MTRR: variants seen among roughly 807,000 people sequenced by gnomAD.
MTRR encodes the protein methionine synthase reductase.
A neutral mutation model predicts 79.2 loss-of-function variants in MTRR; 63 were observed. That is an observed-to-expected ratio of 0.80 (90% CI 0.65 to 0.98). The LOEUF is 0.98. Among genes scored for constraint, MTRR ranks in the 50% least tolerant of loss-of-function variants. The pLI, the probability that MTRR is intolerant of heterozygous loss-of-function variation, is 0.00. For missense variants in MTRR, 895 were observed against 839.6 expected, an observed-to-expected ratio of 1.07 and a Z score of -0.82; for synonymous variants, 355 against 313.3, an observed-to-expected ratio of 1.13 and a Z score of -1.41.
chr5:7,890,533 C>T (rs1007424933), intron 9 of MTRR: 8 of 442,134 alleles, frequency 1.8e-5, no homozygotes, highest in African/African-American at 6.5e-5. Flanking sequence ...TACCACATTA[C>T]GTAGTTATAT....
chr5:7,898,869 C>G (rs546477047), intron 14 of MTRR, among the ~76,000 whole-genome samples: 1 of 151,944 alleles, frequency 6.6e-6, no homozygotes, highest in South Asian at 2.1e-4. Context: ...TCGATAGATA[C>G]GAGGATATAT....
chr5:7,897,489 A>C (rs545961392), intron 14 of MTRR, among the ~76,000 whole-genome samples: 2 of 152,308 alleles, frequency 1.3e-5, no homozygotes, highest in East Asian at 3.9e-4. Context: ...GGTACCATTT[A>C]CTTACCTGTT....
upstream of MTRR, chr5:7,866,081 G>A (rs887237417): frequency 2.3e-5 from 20 of 855,260 alleles, no homozygotes; most frequent in Non-Finnish European, 3.5e-5. Flanking sequence ...ACTCCAGACA[G>A]AAGTATTCTA....
rs1049046366 is a variant in MTRR at position 7,869,391 on chromosome 5, C to T, written c.-26+176C>T. 7 of 670,902 alleles carry T rather than the reference C, an allele frequency of 1.0e-5. No individual in the cohort carries two copies. In the South Asian group the frequency reaches 1.1e-4, roughly 11 times the overall value. 41.6% of individuals were successfully genotyped at this position (670,902 alleles called of 1,614,324 possible). A position where few individuals can be genotyped will look rare whatever the true frequency, so the allele number is the denominator to read the frequency against. On this transcript the variant is annotated intron_variant, in intron 1 of 14. Coordinates refer to ENST00000440940, the MANE Select transcript of MTRR (RefSeq NM_002454.3). The stretch of plus-strand genomic sequence containing the variant: ...CTGGGGCTCGGACTTGGCCTTTGGC[C>T]TTTGGCTTTGGTGTCCCCGGGAGCG...
In MTRR at chr5:7,878,220, C is replaced by G; in HGVS notation, c.678C>G (p.Ser226=). 6.2e-7 allele frequency: 1 copy of G among 1,614,180 alleles called. No homozygotes were observed. Among genetic ancestry groups the G allele is most frequent in the Non-Finnish European group, 8.5e-7 (1 of 1,180,034 alleles). ...QSNVVIEDFE[S]SLTRSVPPLS... is the part of the protein sequence containing the mutation. The stretch of plus-strand genomic sequence containing the variant: ...ATGTTGTAATTGAAGACTTTGAGTC[C>G]TCACTTACCCGTTCGGTACCCCCAC... Residue 226 remains serine (S), a synonymous_variant, in exon 5 of 15, where the codon TCC becomes TCG. Coordinates refer to ENST00000440940, the MANE Select transcript of MTRR (RefSeq NM_002454.3).
chr5:7,863,166 C>T (rs1746677901), intron 2 of MTRR: 1 of 635,310 alleles, frequency 1.6e-6, no homozygotes, highest in Admixed American at 2.9e-5. Context: ...GCAAACTTCT[C>T]TTCTTACAGT....
intron 2 of MTRR, 43 bp downstream of exon 2, chr5:7,870,966 G>T: frequency 2.5e-6 from 4 of 1,613,378 alleles, no homozygotes; most frequent in Non-Finnish European, 3.4e-6. Flanking sequence ...GTGCTTTGAA[G>T]AATTTTGGTT....
intron 14 of MTRR, among the ~76,000 whole-genome samples, chr5:7,897,967 C>T (rs1469123845): frequency 1.3e-5 from 2 of 152,004 alleles, no homozygotes; most frequent in African/African-American, 4.8e-5. Context: ...CATCGTGACC[C>T]AGAACATATG....
At chr5:7,871,608 C>T (rs1748011770) in intron 2 of MTRR, among the ~76,000 whole-genome samples, 1 of 152,206 alleles carries the variant, frequency 6.6e-6, no homozygotes, top group East Asian at 1.9e-4. Flanking sequence ...TTCAACATTT[C>T]AGAGACTGTC....
intron 5 of MTRR, among the ~76,000 whole-genome samples, chr5:7,879,593 A>G (rs2126704956): frequency 6.6e-6 from 1 of 152,306 alleles, no homozygotes; most frequent in Middle Eastern, 3.4e-3. Context: ...GACAATATAA[A>G]TATGAAATAA....
At chr5:7,869,026 C>T (rs752339822), upstream of MTRR, 1 of 1,318,242 alleles carries the variant, frequency 7.6e-7, no homozygotes, top group South Asian at 1.2e-5. Flanking sequence ...AGCGCCTGGG[C>T]GTCGTGGGCC....
upstream of MTRR, chr5:7,867,671 C>T (rs1246621912): frequency 2.5e-6 from 4 of 1,614,218 alleles, no homozygotes; most frequent in East Asian, 6.7e-5. Flanking sequence ...TTCCACTTCA[C>T]AAATTCGTTG....
intron 6 of MTRR, among the ~76,000 whole-genome samples, chr5:7,883,973 G>A (rs1399985020): frequency 6.6e-6 from 1 of 152,128 alleles, no homozygotes; most frequent in Non-Finnish European, 1.5e-5. Flanking sequence ...GGAGTTCCTG[G>A]GTAACATGGC....
chr5:7,879,903 A>G (rs752004991), intron 5 of MTRR, among the ~76,000 whole-genome samples: 22 of 152,222 alleles, frequency 1.4e-4, no homozygotes, highest in Non-Finnish European at 2.9e-4. Flanking sequence ...TCTGGGCCCC[A>G]CGCAAAGCTG....
At chr5:7,854,582 A>C (rs780390953) in intron 1 of MTRR, among the ~76,000 whole-genome samples, 6 of 150,562 alleles carry the variant, frequency 4.0e-5, no homozygotes, top group Admixed American at 6.7e-5. Flanking sequence ...AAAATGAGGA[A>C]GATGCAAAAG....
chr5:7,867,087 C>T (rs903946196), upstream of MTRR: 3 of 1,614,042 alleles, frequency 1.9e-6, no homozygotes, highest in African/African-American at 4.0e-5. Context: ...CTCCTAAGCT[C>T]CTCGTTAGTG....
Position 7,886,680 on chromosome 5 carries a change from G to A in MTRR, c.1123G>A (p.Glu375Lys). The A allele has an allele frequency of 6.2e-7, 1 of 1,613,444 alleles. No individual in the cohort carries two copies. The highest frequency in any genetic ancestry group is 8.5e-7 in the Non-Finnish European group (1 of 1,179,438). The stretch of plus-strand genomic sequence containing the variant: ...CCAGTTCATTTTTACCTGGTGTCTT[G>A]AAATCCGAGCAATTCCTAAAAAGGT... ...SLQFIFTWCL[E>K]IRAIPKKAFL... is the part of the protein sequence containing the mutation. Residue 375 changes from glutamate (E) to lysine (K), a missense_variant, in exon 8 of 15, where the codon GAA (glutamate) becomes AAA (lysine). Coordinates refer to ENST00000440940, the MANE Select transcript of MTRR (RefSeq NM_002454.3).
In MTRR at chr5:7,883,175, G is replaced by A. The variant is rs776561457; in HGVS notation, c.801G>A (p.Val267=). The part of the protein sequence containing the change: ...SLGQEESQVS[V]TSADPVFQVP... The stretch of plus-strand genomic sequence containing the variant: ...TCAAGGAGGAAAGCCAAGTATCTGT[G>A]ACTTCAGCAGATCCAGTTTTTCAAG... The change falls in exon 6 of 15, where the codon GTG becomes GTA. Residue 267 remains valine (V), a synonymous_variant. Transcript: ENST00000440940. The A allele has an allele frequency of 1.2e-6, 2 of 1,614,194 alleles. No homozygotes were observed. Among genetic ancestry groups the A allele is most frequent in the Non-Finnish European group, 1.7e-6 (2 of 1,180,034 alleles).
intron 3 of MTRR, 28 bp downstream of exon 3, chr5:7,873,554 T>C: frequency 6.2e-7 from 1 of 1,609,296 alleles, no homozygotes; most frequent in Non-Finnish European, 8.5e-7. Flanking sequence ...CTGATCTTAC[T>C]ATAGTATACT....
Sources: allele counts gnomAD v4.1 joint callset (sites outside exome capture counted in the v4.1 genomes callset), GRCh38; gene constraint gnomAD v4.1.1; transcripts MANE v1.5; gene names NCBI Gene and HGNC (gene_info 2026-07-23, HGNC 2026-07-21).